Variants in CSMD1 observed in about 807,000 individuals in gnomAD.
CSMD1 encodes CUB and Sushi multiple domains 1, also known as CUB and sushi domain-containing protein 1.
In CSMD1, 213 loss-of-function variants were observed where a neutral mutation model predicts 417.5. That is an observed-to-expected ratio of 0.51 (90% CI 0.46 to 0.57). The LOEUF (loss-of-function observed/expected upper bound fraction) is 0.57, where lower values mean the gene tolerates loss of function less well. CSMD1 is among the 20% of genes least tolerant of loss of function. The pLI is 0.00. For synonymous variants in CSMD1, 2,862 were observed against 1,736.8 expected (o/e 1.65, Z -16.11); for missense variants, 6,923 against 4,529.7 (o/e 1.53, Z -15.17).
intron 3 of CSMD1, among the ~76,000 whole-genome samples, chr8:4,103,817 C>T (rs539113262): frequency 6.6e-6 from 1 of 152,330 alleles, no homozygotes; most frequent in African/African-American, 2.4e-5. Context: ...AATTCCATGA[C>T]AGCCTCTTCA....
chr8:3,660,776 C>T (rs538158177), intron 7 of CSMD1, among the ~76,000 whole-genome samples: 1 of 152,254 alleles, frequency 6.6e-6, no homozygotes, highest in South Asian at 2.1e-4. Context: ...ACACCTCGGC[C>T]TCTCAAAGTG....
chr8:3,747,703 G>C (rs1238683175), intron 6 of CSMD1, among the ~76,000 whole-genome samples: 1 of 152,050 alleles, frequency 6.6e-6, no homozygotes. Context: ...TTGGACACAT[G>C]CCTGAAATGT....
At chr8:4,379,615 C>T (rs558129069) in intron 3 of CSMD1, among the ~76,000 whole-genome samples, 2 of 151,722 alleles carry the variant, frequency 1.3e-5, no homozygotes, top group African/African-American at 2.4e-5. Context: ...GCAAGGTAAG[C>T]CATGAGATTT....
At chr8:3,903,628 T>A (rs565658322) in intron 5 of CSMD1, among the ~76,000 whole-genome samples, 8 of 152,278 alleles carry the variant, frequency 5.3e-5, no homozygotes, top group African/African-American at 1.9e-4. Flanking sequence ...CTTTGAGTAA[T>A]GTGTCAGAAA....
intron 1 of CSMD1, among the ~76,000 whole-genome samples, chr8:4,738,743 T>C (rs974648392): frequency 6.6e-6 from 1 of 152,220 alleles, no homozygotes; most frequent in Non-Finnish European, 1.5e-5. Flanking sequence ...TAATGATTAA[T>C]GGTATGCATT....
chr8:4,576,658 A>G (rs1563302108), intron 2 of CSMD1, among the ~76,000 whole-genome samples: 1 of 152,174 alleles, frequency 6.6e-6, no homozygotes, highest in Non-Finnish European at 1.5e-5. Flanking sequence ...GGATACATGA[A>G]AACAATGTAA....
At chr8:4,879,447 G>A (rs977055392) in intron 1 of CSMD1, among the ~76,000 whole-genome samples, 4 of 152,044 alleles carry the variant, frequency 2.6e-5, no homozygotes, top group Admixed American at 6.6e-5. Context: ...TTAGGGGATC[G>A]GGAAGATATT....
chr8:3,976,481 G>C (rs1348670112), intron 5 of CSMD1, among the ~76,000 whole-genome samples: 1 of 152,078 alleles, frequency 6.6e-6, no homozygotes, highest in Admixed American at 6.6e-5. Flanking sequence ...CTAGAAGTGT[G>C]ACTAACACAT....
At chr8:4,854,074 T>A (rs1169870572) in intron 1 of CSMD1, among the ~76,000 whole-genome samples, 3 of 152,090 alleles carry the variant, frequency 2.0e-5, no homozygotes, top group Non-Finnish European at 4.4e-5. Flanking sequence ...AACGAACTCA[T>A]CTCCAGAAGA....
At chr8:3,889,448 T>G (rs1806792930) in intron 5 of CSMD1, among the ~76,000 whole-genome samples, 3 of 105,054 alleles carry the variant, frequency 2.9e-5, no homozygotes, top group Middle Eastern at 4.3e-3. Context: ...GCTTCTGATC[T>G]TTCCATATAT....
intron 7 of CSMD1, among the ~76,000 whole-genome samples, chr8:3,673,575 C>G (rs1422436430): frequency 1.3e-5 from 2 of 152,194 alleles, no homozygotes; most frequent in Non-Finnish European, 2.9e-5. Context: ...TCAGTATGCA[C>G]ATACTTGATT....
chr8:4,271,814 A>G (rs1166426936), intron 3 of CSMD1, among the ~76,000 whole-genome samples: 1 of 152,238 alleles, frequency 6.6e-6, no homozygotes, highest in Non-Finnish European at 1.5e-5. Flanking sequence ...GCAAGCTTAC[A>G]TGTGATTACT....
chr8:3,966,713 G>C (rs949174270), intron 5 of CSMD1, among the ~76,000 whole-genome samples: 2 of 148,412 alleles, frequency 1.3e-5, no homozygotes, highest in African/African-American at 2.5e-5. Context: ...CTGGCAGGCT[G>C]CAGGCATTCA....
intron 2 of CSMD1, among the ~76,000 whole-genome samples, chr8:4,445,994 C>T (rs141605406): frequency 6.6e-6 from 1 of 152,092 alleles, no homozygotes; most frequent in African/African-American, 2.4e-5. Context: ...AGTGCCTCTT[C>T]CCTGGCAGCA....
intron 1 of CSMD1, among the ~76,000 whole-genome samples, chr8:4,891,427 C>T (rs993631739): frequency 3.3e-5 from 5 of 152,132 alleles, no homozygotes. Context: ...TCCTCTGATA[C>T]ATGCTACTGT....
chr8:3,771,680 G>C (rs764113855), intron 5 of CSMD1, among the ~76,000 whole-genome samples: 2 of 152,120 alleles, frequency 1.3e-5, no homozygotes, highest in African/African-American at 4.8e-5. Context: ...GGAAGAGAAC[G>C]GAGAGGCCCC....
At chr8:3,867,994 G>A (rs1393591608) in intron 5 of CSMD1, among the ~76,000 whole-genome samples, 3 of 152,024 alleles carry the variant, frequency 2.0e-5, no homozygotes, top group African/African-American at 7.2e-5. Context: ...AAGATTCTCA[G>A]GTCACACACC....
At chr8:3,294,236 G>C (rs531526509) in intron 25 of CSMD1, among the ~76,000 whole-genome samples, 5 of 43,886 alleles carry the variant, frequency 1.1e-4, no homozygotes, top group Non-Finnish European at 3.2e-4. Flanking sequence ...GGCCCCTACT[G>C]GGGGGTGCCT....
rs1277256398 is a variant in CSMD1, at chr8:4,366,588, C to G, written c.415+53365G>C. On this transcript the variant is annotated intron_variant, in intron 3 of 69. Transcript: ENST00000635120. ...TTTTTTTCTGCAAATTCACCAGCAT[C>G]TGTTGTTTTTTTTGCTTTTTATTAA... Among the ~76,000 whole-genome samples the G allele has an allele frequency of 2.0e-5, 3 of 152,096 alleles. No individual in the cohort carries two copies. In the East Asian group the frequency reaches 5.8e-4, roughly 29 times the overall value.
Sources: allele counts gnomAD v4.1 joint callset (sites outside exome capture counted in the v4.1 genomes callset), GRCh38; gene constraint gnomAD v4.1.1; transcripts MANE v1.5; gene names NCBI Gene and HGNC (gene_info 2026-07-23, HGNC 2026-07-21).